Variants in DST observed in about 807,000 individuals in gnomAD.
DST encodes the protein dystonin.
Under a neutral mutation model 875.2 loss-of-function variants are expected in DST, and 253 were observed. The observed-to-expected ratio is 0.29, with a 90% confidence interval of 0.26 to 0.32. The LOEUF (loss-of-function observed/expected upper bound fraction) is 0.32. Among genes scored for constraint, DST ranks in the 10% least tolerant of loss-of-function variants. The pLI is 1.00. For synonymous variants in DST, 3,124 were observed against 3,197.1 expected, an observed-to-expected ratio of 0.98 and a Z score of 0.77; for missense variants, 8,287 against 9,111.6, an observed-to-expected ratio of 0.91 and a Z score of 3.68.
At chr6:56,708,399 G>A (rs1055760391) in intron 5 of DST, among the ~76,000 whole-genome samples, 4 of 151,478 alleles carry the variant, frequency 2.6e-5, no homozygotes, top group Admixed American at 2.6e-4. Context: ...AGAAGAAAAT[G>A]CAGAAATAAA....
In DST at chr6:56,553,049, T is replaced by A; in HGVS notation, c.15743A>T (p.Lys5248Met). The change falls in exon 61 of 104, where the codon AAG becomes ATG. Residue 5248 changes from lysine (K) to methionine (M), a missense_variant. Lys to Met is a moderately conservative substitution (Grantham distance 95). Around this residue, in one of 10 missense-constraint regions of DST, gnomAD observed 1,513 missense variants for 1,677.8 expected, o/e 0.90. Transcript: ENST00000680361. ...CATGTCCACCTTCTGGATCAGTGACTTATTCTCATCTGTAACAACTTCTTT... is the reference window on the plus strand; with the variant it reads ...CATGTCCACCTTCTGGATCAGTGACATATTCTCATCTGTAACAACTTCTTT... The part of the protein sequence containing the change: ...IDKEVVTDEN[K>M]SLIQKVDMVT... The A allele has an allele frequency of 6.2e-7, 1 of 1,613,944 alleles. No individual in the cohort carries two copies. The highest frequency in any genetic ancestry group is 8.5e-7 in the Non-Finnish European group (1 of 1,179,894).
chr6:56,658,338 G>A (rs2099021084), intron 10 of DST, among the ~76,000 whole-genome samples: 1 of 152,178 alleles, frequency 6.6e-6, no homozygotes, highest in Non-Finnish European at 1.5e-5. Context: ...CTCTGACTTT[G>A]GACACACATC....
chr6:56,920,506 T>C (rs1803536368), intron 2 of DST, among the ~76,000 whole-genome samples: 1 of 152,184 alleles, frequency 6.6e-6, no homozygotes, highest in Non-Finnish European at 1.5e-5. Flanking sequence ...AGAATAATTC[T>C]TGGTAGAAAT....
chr6:56,834,707 A>G (rs1300100187), intron 4 of DST, among the ~76,000 whole-genome samples: 1 of 152,190 alleles, frequency 6.6e-6, no homozygotes, highest in Non-Finnish European at 1.5e-5. Context: ...CAGTGACAAT[A>G]CCAAATGCTG....
chr6:56,469,292 T>C (rs982124788), intron 97 of DST, among the ~76,000 whole-genome samples: 2 of 151,964 alleles, frequency 1.3e-5, no homozygotes, highest in Non-Finnish European at 1.5e-5. Flanking sequence ...AGTAGCACAC[T>C]GTATTGGGGA....
intron 60 of DST, 65 bp from the exon 61 acceptor site, chr6:56,553,720 C>T: frequency 7.0e-7 from 1 of 1,436,856 alleles, no homozygotes; most frequent in Non-Finnish European, 9.4e-7. Context: ...TATGAAAAGC[C>T]AAAATAAAAA....
intron 30 of DST, among the ~76,000 whole-genome samples, 181 bp from the exon 31 acceptor site, chr6:56,630,564 C>A (rs918660751): frequency 1.3e-5 from 2 of 152,074 alleles, no homozygotes; most frequent in Non-Finnish European, 2.9e-5. Context: ...GTGCTCCAAC[C>A]CATCCCCTGC....
intron 4 of DST, among the ~76,000 whole-genome samples, chr6:56,769,014 G>A (rs1010442574): frequency 4.6e-5 from 7 of 151,940 alleles, no homozygotes; most frequent in African/African-American, 1.7e-4. Context: ...AGACTCCATC[G>A]CAATATACAC....
chr6:56,817,387 A>G (rs866655758), intron 4 of DST, among the ~76,000 whole-genome samples: 25 of 152,372 alleles, frequency 1.6e-4, no homozygotes, highest in Middle Eastern at 6.8e-3. Context: ...TACTTTTCAG[A>G]TGAAGAAGAC....
At chr6:56,513,251 A>C (rs946042616) in intron 72 of DST, among the ~76,000 whole-genome samples, 1 of 146,560 alleles carries the variant, frequency 6.8e-6, no homozygotes, top group Non-Finnish European at 1.5e-5. Context: ...TTTTTTTAAG[A>C]CAGAGTTTTG....
intron 81 of DST, 63 bp downstream of exon 81, chr6:56,497,793 G>C (rs1203171032): frequency 1.4e-6 from 2 of 1,394,458 alleles, no homozygotes; most frequent in East Asian, 4.8e-5. Context: ...ACTAATAAAA[G>C]AATTCCATGC....
intron 2 of DST, among the ~76,000 whole-genome samples, chr6:56,913,414 A>G (rs923608469): frequency 3.3e-5 from 5 of 152,234 alleles, no homozygotes; most frequent in African/African-American, 1.2e-4. Context: ...ACCAAAGGTC[A>G]GCAAACTATC....
In DST at chr6:56,901,915, C is replaced by T. The variant is rs142376460; in HGVS notation, c.217-1294G>A. 2.2e-3 allele frequency among the ~76,000 whole-genome samples: 339 copies of T among 152,228 alleles called. 3 individuals carry two copies. Among genetic ancestry groups the T allele is most frequent in the Middle Eastern group, 0.014 (4 of 294 alleles). ...CTGGAGAGCAGAAGGAGAAATCTAA[C>T]ATAGAGTTCATAAACACATGGGAAT... On this transcript the variant is annotated intron_variant, in intron 2 of 103. Coordinates refer to ENST00000680361, the MANE Select transcript of DST (RefSeq NM_001374736.1).
intron 80 of DST, 135 bp from the exon 81 acceptor site, chr6:56,498,188 T>A (rs940501972): frequency 2.3e-6 from 2 of 857,286 alleles, no homozygotes; most frequent in Admixed American, 2.9e-5. Context: ...TAATTTTTTT[T>A]AAAGAGATGG....
intron 5 of DST, among the ~76,000 whole-genome samples, chr6:56,724,969 T>TACAC (rs113129301): frequency 0.033 from 4,952 of 151,428 alleles, 258 homozygotes; most frequent in African/African-American, 0.11. Context: ...CAGGCTGTTT[T>TACAC]ACACACACAC....
chr6:56,652,314 G>C (rs2098980580), intron 10 of DST, among the ~76,000 whole-genome samples: 1 of 152,152 alleles, frequency 6.6e-6, no homozygotes, highest in South Asian at 2.1e-4. Flanking sequence ...AGGAAACTTG[G>C]ATCTCAAAAA....
At chr6:56,716,800 A>G (rs557936604) in intron 5 of DST, among the ~76,000 whole-genome samples, 3 of 152,064 alleles carry the variant, frequency 2.0e-5, no homozygotes, top group South Asian at 2.1e-4. Flanking sequence ...ATGGGAGACA[A>G]TTTTTCCACA....
chr6:56,531,314 T>C (rs1382760961), intron 64 of DST, among the ~76,000 whole-genome samples: 1 of 152,120 alleles, frequency 6.6e-6, no homozygotes, highest in Non-Finnish European at 1.5e-5. Flanking sequence ...GTGAAGAAAG[T>C]TTTAGGAAAA....
intron 49 of DST, among the ~76,000 whole-genome samples, chr6:56,583,367 T>C (rs1213796990): frequency 1.3e-5 from 2 of 152,246 alleles, no homozygotes; most frequent in African/African-American, 2.4e-5. Context: ...CGTTTTTTCA[T>C]GTGTCTTTTG....
Sources: allele counts gnomAD v4.1 joint callset (sites outside exome capture counted in the v4.1 genomes callset), GRCh38; gene constraint gnomAD v4.1.1; regional missense constraint gnomAD v4.1.1; transcripts MANE v1.5; gene names NCBI Gene and HGNC (gene_info 2026-07-23, HGNC 2026-07-21).